MUC5B: variants seen among roughly 807,000 people sequenced by gnomAD.
MUC5B encodes mucin-5B.
Under a neutral mutation model 376.9 loss-of-function variants are expected in MUC5B, and 116 were observed. The observed-to-expected ratio is 0.31, with a 90% CI of 0.26 to 0.36. The LOEUF is 0.36. MUC5B is among the 10% of genes least tolerant of loss of function. The pLI is 1.00. For synonymous variants in MUC5B, 3,517 were observed against 3,390.9 expected (o/e 1.04, Z -1.29); for missense variants, 7,165 against 7,769.9 (o/e 0.92, Z 2.93).
At chr11:1,228,517 C>A in intron 7 of MUC5B, 47 bp from the exon 8 acceptor site, 1 of 1,459,718 alleles carries the variant, frequency 6.9e-7, no homozygotes, top group Non-Finnish European at 9.1e-7. Context: ...CCGTGGCAGC[C>A]CCCATGGATG....
chr11:1,236,972 T>G lies in MUC5B; in HGVS notation c.3105T>G (p.Asn1035Lys). The change falls in exon 25 of 49, where the codon AAT (asparagine) becomes AAG (lysine). Residue 1035 changes from asparagine to lysine, a missense_variant. Coordinates refer to ENST00000529681, the MANE Select transcript of MUC5B (RefSeq NM_002458.3). ...LCGNFDDNAI[N>K]DFATRSRSVV... ...GGAACTTCGACGACAATGCCATCAA[T>G]GACTTTGCCACGCGTAGCCGGTCCG... is the stretch of plus-strand genomic sequence containing the variant. The G allele has an allele frequency of 6.5e-7, 1 of 1,542,074 alleles. No individual in the cohort carries two copies. Among genetic ancestry groups the G allele is most frequent in the Non-Finnish European group, 8.8e-7 (1 of 1,140,916 alleles).
chr11:1,249,605 C>A lies in MUC5B; in HGVS notation c.12725C>A (p.Ser4242Tyr). The A allele has an allele frequency of 6.2e-7, 1 of 1,611,926 alleles. No homozygotes were observed. The highest frequency in any genetic ancestry group is 8.5e-7 in the Non-Finnish European group (1 of 1,178,770). Residue 4242 changes from serine to tyrosine, a missense_variant, in exon 31 of 49, where the codon TCC (serine) becomes TAC (tyrosine). By Grantham distance (144) the Ser-to-Tyr change is moderately radical. Transcript: ENST00000529681. The part of the protein sequence containing the change: ...PATSSTAMPS[S>Y]TPGTTWILTE... ...ACCAGCTCTACGGCCATGCCCTCCT[C>A]CACTCCGGGGACGACCTGGATCCTC...
chr11:1,261,488 A>G lies in MUC5B; in HGVS notation c.17169A>G (p.Ser5723=), dbSNP rs374992794. Residue 5723 remains serine, a synonymous_variant, in exon 49 of 49, where the codon TCA becomes TCG. Coordinates refer to ENST00000529681, the MANE Select transcript of MUC5B (RefSeq NM_002458.3). ...TGCCCTTGCACTGTCCTAACGGCTC[A>G]GCCATCCTGCACACCTACACCCACG... The part of the protein sequence containing the change: ...ETVPLHCPNG[S]AILHTYTHVD... The G allele has an allele frequency of 4.0e-4, 639 of 1,587,342 alleles. 7 individuals are homozygous for G. The African/African-American group carries it at 7.7e-3, about 19-fold the overall frequency.
Position 1,247,119 on chromosome 11 carries a change from T to C in MUC5B, c.10239T>C (p.Thr3413=), listed in dbSNP as rs369080861. The C allele has an allele frequency of 6.5e-7, 1 of 1,537,006 alleles. No individual in the cohort carries two copies. Among genetic ancestry groups the C allele is most frequent in the Admixed American group, 2.0e-5 (1 of 51,076 alleles). The change falls in exon 31 of 49, where the codon ACT becomes ACC. Residue 3413 remains threonine, a synonymous_variant. Coordinates refer to ENST00000529681, the MANE Select transcript of MUC5B (RefSeq NM_002458.3). ...ACCCCTCCTCAACTCCAGGGACAAC[T>C]CCCATCCCCCCAGTGCTGACCACCA... ...TTNPSSTPGT[T]PIPPVLTTTA...
In MUC5B at chr11:1,250,926, C is replaced by T. The variant is rs748267891; in HGVS notation, c.14046C>T (p.Thr4682=). The T allele has an allele frequency of 1.3e-6, 2 of 1,599,018 alleles. No individual in the cohort carries two copies. The highest frequency in any genetic ancestry group is 1.3e-5 in the African/African-American group (1 of 74,206). ...GTGGTACTCCCCCATCACTGACCAC[C>T]ACGGCCACTACGATCACGGCCACCG... ...QTSGTPPSLT[T]TATTITATGS... Residue 4682 remains threonine, a synonymous_variant, in exon 31 of 49, where the codon ACC becomes ACT. Transcript: ENST00000529681.
chr11:1,242,088 T>C lies in MUC5B; in HGVS notation c.5208T>C (p.Ala1736=). The change falls in exon 31 of 49, where the codon GCT becomes GCC. Residue 1736 remains alanine (A), a synonymous_variant. Coordinates refer to ENST00000529681, the MANE Select transcript of MUC5B (RefSeq NM_002458.3). ...RARPTGTAST[A]SKEPLTTSLA... ...GCCCGACAGGCACAGCCAGCACCGC[T>C]TCCAAAGAGCCGCTGACCACGAGCC... 5 of 1,611,756 alleles carry C rather than the reference T, an allele frequency of 3.1e-6. No homozygotes were observed. Among genetic ancestry groups the C allele is most frequent in the Non-Finnish European group, 4.2e-6 (5 of 1,179,152 alleles).
At position 1,236,482 on chromosome 11, in the gene MUC5B, C is replaced by T. The variant is rs767177471; in HGVS notation, c.2977C>T (p.Leu993=). ...PYKIRYMGIF[L]VIETHGMAVS... ...CAAGATACGCTACATGGGGATCTTCCTGGTCATCGAGACCCACGGGATGGC... is the reference window on the plus strand; with the variant it reads ...CAAGATACGCTACATGGGGATCTTCTTGGTCATCGAGACCCACGGGATGGC... The change falls in exon 24 of 49, where the codon CTG becomes TTG. Residue 993 remains leucine, a synonymous_variant. Transcript: ENST00000529681. 1 of 1,613,178 alleles carries T rather than the reference C, an allele frequency of 6.2e-7. No homozygotes were observed. Among genetic ancestry groups the T allele is most frequent in the Non-Finnish European group, 8.5e-7 (1 of 1,179,836 alleles).
Position 1,229,159 on chromosome 11 carries a change from CT to C in MUC5B, c.977-7del. ...CCTTCCCCTGGCCCAGCCCCACCTC[CT>C]TTTGCGCAGCCCGGACCTGCCCCCT... On this transcript the variant is annotated splice_polypyrimidine_tract_variant and intron_variant, in intron 8 of 48. Transcript: ENST00000529681. 3 of 1,579,200 alleles carry C rather than the reference CT, an allele frequency of 1.9e-6. No individual in the cohort carries two copies. The highest frequency in any genetic ancestry group is 1.7e-6 in the Non-Finnish European group (2 of 1,167,600).
At chr11:1,260,446 C>CCCAT in intron 47 of MUC5B, 53 bp downstream of exon 47, 1 of 1,593,408 alleles carries the variant, frequency 6.3e-7, no homozygotes, top group Non-Finnish European at 8.6e-7. Context: ...CCCGTCGCCA[C>CCCAT]CCATCCATTC....
chr11:1,255,194 C>T lies in MUC5B; in HGVS notation c.15818C>T (p.Ala5273Val). Residue 5273 changes from alanine (A) to valine (V), a missense_variant, in exon 36 of 49, where the codon GCA (alanine) becomes GTA (valine). Ala to Val is a moderately conservative substitution (Grantham distance 64, BLOSUM62 0). Around this residue, in one of 31 missense-constraint regions of MUC5B, gnomAD observed 842 missense variants for 1,016.9 expected, o/e 0.83. Transcript: ENST00000529681. ...GGCACACCCCCCACTGCCAGCCCCGCAGCCCCGGTGTCTAGCACACCCACC... is the reference window on the plus strand; with the variant it reads ...GGCACACCCCCCACTGCCAGCCCCGTAGCCCCGGTGTCTAGCACACCCACC... Reference protein sequence around the residue: ...PTGTPPTASPAAPVSSTPTPT... With the variant: ...PTGTPPTASPVAPVSSTPTPT... 1.3e-6 allele frequency: 2 copies of T among 1,549,766 alleles called. No homozygotes were observed. The highest frequency in any genetic ancestry group is 1.4e-5 in the African/African-American group (1 of 73,156).
Position 1,228,645 on chromosome 11 carries a change from G to T in MUC5B, c.856G>T (p.Ala286Ser), listed in dbSNP as rs183999081. 6.5e-7 allele frequency: 1 copy of T among 1,534,242 alleles called. No individual in the cohort carries two copies. Among genetic ancestry groups the T allele is most frequent in the Admixed American group, 2.0e-5 (1 of 50,966 alleles). ...GGTGGACAGCACTGCGTACCTGGCC[G>T]CCTGCGCCCAGGACCTGTGCCGCTG... ...ALVDSTAYLA[A>S]CAQDLCRCPT... Residue 286 changes from alanine (A) to serine (S), a missense_variant, in exon 8 of 49, where the codon GCC becomes TCC. Physicochemically the swap from Ala to Ser is moderately conservative, Grantham distance 99. Transcript: ENST00000529681.
Position 1,226,870 on chromosome 11 carries a change from G to C in MUC5B, c.455G>C (p.Gly152Ala). 1 of 1,605,630 alleles carries C rather than the reference G, an allele frequency of 6.2e-7. No homozygotes were observed. The highest frequency in any genetic ancestry group is 1.1e-5 in the South Asian group (1 of 91,002). Residue 152 changes from glycine (G) to alanine (A), a missense_variant, in exon 4 of 49, where the codon GGG (glycine) becomes GCG (alanine). Transcript: ENST00000529681. Reference sequence around the variant, plus strand: ...TCCAACGGCTCCGTCCTCATCAATGGGCAGCGGTGAGCCGGCCACCCTGGG... The same window carrying C: ...TCCAACGGCTCCGTCCTCATCAATGCGCAGCGGTGAGCCGGCCACCCTGGG... ...EASNGSVLIN[G>A]QREELPYSRT...
In MUC5B at chr11:1,250,162, G is replaced by T; in HGVS notation, c.13282G>T (p.Ala4428Ser). The T allele has an allele frequency of 6.3e-7, 1 of 1,586,470 alleles. No homozygotes were observed. Reference protein sequence around the residue: ...TWILTELTTTATTTASTGSTA... With the variant: ...TWILTELTTTSTTTASTGSTA... ...GATCCTCACAGAGCTGACCACAACA[G>T]CCACTACGACTGCGTCCACTGGATC... The change falls in exon 31 of 49, where the codon GCC becomes TCC. Residue 4428 changes from alanine to serine, a missense_variant. Around this residue, in one of 31 missense-constraint regions of MUC5B, gnomAD observed 431 missense variants for 390.4 expected, o/e 1.10. Coordinates refer to ENST00000529681, the MANE Select transcript of MUC5B (RefSeq NM_002458.3).
In MUC5B at chr11:1,246,770, C is replaced by T; in HGVS notation, c.9890C>T (p.Ser3297Phe). The change falls in exon 31 of 49, where the codon TCC (serine) becomes TTC (phenylalanine). Residue 3297 changes from serine to phenylalanine, a missense_variant. This residue lies in a region of MUC5B where 939 missense variants were observed against 770.6 expected (regional missense o/e 1.22). Transcript: ENST00000529681. ...TRATGSVATP[S>F]STPGTAHTTK... ...GCCACCGGCTCTGTGGCCACCCCCT[C>T]CTCCACCCCAGGAACAGCTCACACT... The T allele has an allele frequency of 1.2e-6, 2 of 1,610,864 alleles. No homozygotes were observed. Among genetic ancestry groups the T allele is most frequent in the South Asian group, 1.1e-5 (1 of 90,958 alleles).
Position 1,241,803 on chromosome 11 carries a change from G to T in MUC5B, c.4923G>T (p.Arg1641Ser). Reference sequence around the variant, plus strand: ...CTACGAGTAGCCCGGGGCTGACCAGGGCTCCCCCGGCCAGCACCACAGCAG... The same window carrying T: ...CTACGAGTAGCCCGGGGCTGACCAGTGCTCCCCCGGCCAGCACCACAGCAG... ...PQPTSSPGLT[R>S]APPASTTAVP... Residue 1641 changes from arginine to serine, a missense_variant, in exon 31 of 49, where the codon AGG becomes AGT. Physicochemically the swap from Arg to Ser is moderately radical, Grantham distance 110. Coordinates refer to ENST00000529681, the MANE Select transcript of MUC5B (RefSeq NM_002458.3). 1 of 1,612,332 alleles carries T rather than the reference G, an allele frequency of 6.2e-7. No individual in the cohort carries two copies. The highest frequency in any genetic ancestry group is 2.2e-5 in the East Asian group (1 of 44,788).
chr11:1,232,588 G>T (rs1205427531), intron 16 of MUC5B, 44 bp downstream of exon 16: 11 of 1,602,482 alleles, frequency 6.9e-6, no homozygotes, highest in African/African-American at 1.3e-5. Context: ...CAGGATGGGT[G>T]GGGGAGCCCT....
chr11:1,239,645 G>A, intron 27 of MUC5B, 79 bp downstream of exon 27: 1 of 1,508,794 alleles, frequency 6.6e-7, no homozygotes, highest in East Asian at 2.3e-5. Flanking sequence ...GATCCCCAGG[G>A]ACGCGGTGTA....
rs775725955 is a variant in MUC5B at position 1,236,566 on chromosome 11, A to G, written c.3057+4A>G. On this transcript the variant is annotated splice_donor_region_variant and intron_variant, in intron 24 of 48. Transcript: ENST00000529681. ...CCGACTGCACCAGGACTACAAGGTG[A>G]GCTCGGGCCGTGCACTCCTAGGCCC... is the stretch of plus-strand genomic sequence containing the variant. 1.4e-5 allele frequency: 22 copies of G among 1,611,842 alleles called. No individual in the cohort carries two copies. In the South Asian group the frequency reaches 2.3e-4, roughly 17 times the overall value.
chr11:1,247,311 C>A lies in MUC5B; in HGVS notation c.10431C>A (p.Gly3477=), dbSNP rs1412031045. Residue 3477 remains glycine (G), a synonymous_variant, in exon 31 of 49, where the codon GGC becomes GGA. Transcript: ENST00000529681. ...VRTAWTSATS[G]ILGTTHITEP... is the part of the protein sequence containing the mutation. ...CAGCCTGGACTTCGGCCACCTCGGG[C>A]ATCTTGGGCACCACCCACATCACAG... 1.2e-6 allele frequency: 2 copies of A among 1,611,420 alleles called. No homozygotes were observed. The highest frequency in any genetic ancestry group is 2.7e-5 in the African/African-American group (2 of 74,782).
Sources: allele counts gnomAD v4.1 joint callset, GRCh38; gene constraint gnomAD v4.1.1; regional missense constraint gnomAD v4.1.1; transcripts MANE v1.5; gene names NCBI Gene and HGNC (gene_info 2026-07-23, HGNC 2026-07-21).